LRMDA: variants seen among roughly 807,000 people sequenced by gnomAD.
LRMDA encodes the protein leucine rich melanocyte differentiation associated, also known as leucine-rich melanocyte differentiation-associated protein.
In LRMDA, 18 loss-of-function variants were observed where a neutral mutation model predicts 29.8. That is an observed-to-expected ratio of 0.60 (90% CI 0.42 to 0.90). The LOEUF (loss-of-function observed/expected upper bound fraction) is 0.90. Among genes scored for constraint, LRMDA ranks in the 40% least tolerant of loss-of-function variants. The probability of loss-of-function intolerance (pLI) is 0.00; values close to 1 mark genes in which losing one functional copy is unlikely to be tolerated. For missense variants in LRMDA, 273 were observed against 273.9 expected (o/e 1.00, Z 0.02); for synonymous variants, 125 against 109.4 (o/e 1.14, Z -0.89).
chr10:75,973,419 C>CTT (rs5786207), intron 2 of LRMDA, among the ~76,000 whole-genome samples: 9 of 137,092 alleles, frequency 6.6e-5, no homozygotes, highest in East Asian at 4.3e-4. Context: ...TGCCCTTGTC[C>CTT]TTTTTTTTTT....
At chr10:76,459,720 C>A (rs906829035) in intron 6 of LRMDA, among the ~76,000 whole-genome samples, 1 of 151,994 alleles carries the variant, frequency 6.6e-6, no homozygotes, top group East Asian at 1.9e-4. Flanking sequence ...TGTTTTCACC[C>A]GAATTTTCCT....
intron 1 of LRMDA, among the ~76,000 whole-genome samples, chr10:75,433,058 C>T (rs925971788): frequency 6.6e-6 from 1 of 152,004 alleles, no homozygotes; most frequent in Non-Finnish European, 1.5e-5. Flanking sequence ...CTAAAAATGA[C>T]GGGTCTTGTT....
At chr10:76,377,318 T>C (rs796503618) in intron 6 of LRMDA, among the ~76,000 whole-genome samples, 7 of 152,340 alleles carry the variant, frequency 4.6e-5, no homozygotes, top group South Asian at 2.1e-4. Flanking sequence ...GGATGCATAG[T>C]TTACAGATAT....
intron 2 of LRMDA, among the ~76,000 whole-genome samples, chr10:75,939,835 G>A (rs1846358495): frequency 6.6e-6 from 1 of 152,140 alleles, no homozygotes. Context: ...ACACTGCCCA[G>A]CCAAATGGCT....
At chr10:76,275,304 GA>G (rs1355500875) in intron 5 of LRMDA, among the ~76,000 whole-genome samples, 1 of 151,662 alleles carries the variant, frequency 6.6e-6, no homozygotes, top group Admixed American at 6.6e-5. Flanking sequence ...TTTTTCCCCT[GA>G]ATTTTAGTAA....
chr10:76,368,868 C>G (rs1841422128), intron 6 of LRMDA, among the ~76,000 whole-genome samples: 1 of 152,120 alleles, frequency 6.6e-6, no homozygotes, highest in Non-Finnish European at 1.5e-5. Flanking sequence ...CTCTTTGTCT[C>G]TTTTAATGCT....
At chr10:75,993,768 C>T (rs1032557592) in intron 2 of LRMDA, among the ~76,000 whole-genome samples, 4 of 152,032 alleles carry the variant, frequency 2.6e-5, no homozygotes, top group African/African-American at 9.7e-5. Flanking sequence ...CATTTATTCC[C>T]TCAGGGTCAT....
chr10:75,531,340 G>A (rs1023203999), intron 2 of LRMDA, among the ~76,000 whole-genome samples: 3 of 152,184 alleles, frequency 2.0e-5, no homozygotes, highest in Non-Finnish European at 4.4e-5. Flanking sequence ...CAAAAAAGAG[G>A]GAAGGACAGC....
At chr10:76,364,777 T>C (rs897250228) in intron 6 of LRMDA, among the ~76,000 whole-genome samples, 22 of 151,812 alleles carry the variant, frequency 1.4e-4, no homozygotes, top group Admixed American at 3.3e-4. Flanking sequence ...TAGTGGTGAT[T>C]TGTGAGATTT....
intron 2 of LRMDA, among the ~76,000 whole-genome samples, chr10:75,789,467 A>G (rs1843529310): frequency 6.6e-6 from 1 of 152,260 alleles, no homozygotes; most frequent in African/African-American, 2.4e-5. Flanking sequence ...TGGATGTTTA[A>G]TGTTCAAACT....
chr10:76,056,323 A>G (rs1050108044), intron 4 of LRMDA, among the ~76,000 whole-genome samples: 1 of 152,208 alleles, frequency 6.6e-6, no homozygotes, highest in Non-Finnish European at 1.5e-5. Flanking sequence ...GTCCAGAAAA[A>G]GTACCATATG....
rs191872023 is a variant in LRMDA, at chr10:76,486,437, C to T, written c.602-70772C>T. 1.4e-3 allele frequency among the ~76,000 whole-genome samples: 207 copies of T among 151,988 alleles called. 1 individual carries two copies. Among genetic ancestry groups the T allele is most frequent in the African/African-American group, 4.4e-3 (182 of 41,492 alleles). The stretch of plus-strand genomic sequence containing the variant: ...TTTAGATTTGTTTTGTTTTTTGGCT[C>T]TGTGCTGCACGTACATAGGTCAAGT... On this transcript the variant is annotated intron_variant, in intron 6 of 6. Coordinates refer to ENST00000611255, the MANE Select transcript of LRMDA (RefSeq NM_001305581.2).
At chr10:75,440,188 C>A (rs1444807646) in intron 2 of LRMDA, among the ~76,000 whole-genome samples, 3 of 148,010 alleles carry the variant, frequency 2.0e-5, no homozygotes, top group Non-Finnish European at 3.0e-5. Context: ...CTCTGAGGGG[C>A]TGGATCTATA....
At chr10:76,328,030 AG>A (rs1391433347) in intron 6 of LRMDA, among the ~76,000 whole-genome samples, 1 of 152,222 alleles carries the variant, frequency 6.6e-6, no homozygotes, top group Non-Finnish European at 1.5e-5. Context: ...ACTCTCAGTA[AG>A]ATACAGATTG....
At chr10:76,099,374 A>G (rs768126771) in intron 5 of LRMDA, among the ~76,000 whole-genome samples, 3 of 152,204 alleles carry the variant, frequency 2.0e-5, no homozygotes, top group Non-Finnish European at 2.9e-5. Context: ...TTGCAATGGC[A>G]GTTTCATTAA....
intron 5 of LRMDA, among the ~76,000 whole-genome samples, chr10:76,070,829 T>C (rs1163829446): frequency 6.6e-6 from 1 of 152,286 alleles, no homozygotes; most frequent in East Asian, 1.9e-4. Flanking sequence ...AGCTTGGGCA[T>C]CTCCTCAGCC....
At chr10:75,580,129 A>C (rs1366376558) in intron 2 of LRMDA, among the ~76,000 whole-genome samples, 4 of 152,188 alleles carry the variant, frequency 2.6e-5, no homozygotes, top group African/African-American at 9.7e-5. Flanking sequence ...AGGAAGTCAA[A>C]TTGTCTCTGT....
At position 75,813,057 on chromosome 10, in the gene LRMDA, G is replaced by C. The variant is rs118120278; in HGVS notation, c.132-222951G>C. 9.4e-3 allele frequency among the ~76,000 whole-genome samples: 1,433 copies of C among 152,290 alleles called. 12 individuals carry two copies. Among genetic ancestry groups the C allele is most frequent in the Non-Finnish European group, 0.015 (1,015 of 68,028 alleles). On this transcript the variant is annotated intron_variant, in intron 2 of 6. Transcript: ENST00000611255. ...TAGATGAGAGTTACACGGCTCCTGG[G>C]ACAAAGTGAGGCTTTTTCAGAACAG...
intron 5 of LRMDA, among the ~76,000 whole-genome samples, chr10:76,306,429 A>G (rs1840557163): frequency 6.6e-6 from 1 of 152,186 alleles, no homozygotes; most frequent in Non-Finnish European, 1.5e-5. Context: ...TCTTGGGGGA[A>G]ATGAAACTCA....
Sources: gnomAD v4.1 joint callset for allele counts (sites outside exome capture counted in the v4.1 genomes callset) on GRCh38, gnomAD v4.1.1 for gene constraint, MANE v1.5 for transcripts, NCBI Gene and HGNC (gene_info 2026-07-23, HGNC 2026-07-21) for gene names.